TGM5: variants seen among roughly 807,000 people sequenced by gnomAD.
The protein encoded by TGM5 is protein-glutamine gamma-glutamyltransferase 5.
Under a neutral mutation model 77.2 loss-of-function variants are expected in TGM5, and 69 were observed. That is an observed-to-expected ratio of 0.89 (90% CI 0.74 to 1.09). TGM5 has a LOEUF of 1.09. TGM5 is among the 50% of genes least tolerant of loss of function. The probability of loss-of-function intolerance (pLI) is 0.00; values close to 1 mark genes in which losing one functional copy is unlikely to be tolerated. For missense variants in TGM5, 842 were observed against 896.5 expected (o/e 0.94, Z 0.78); for synonymous variants, 346 against 351.8 (o/e 0.98, Z 0.18).
chr15:43,242,247 T>C (rs1436649070), intron 6 of TGM5, among the ~76,000 whole-genome samples: 1 of 152,260 alleles, frequency 6.6e-6, no homozygotes, highest in Non-Finnish European at 1.5e-5. Context: ...AAGCTTGCAA[T>C]CAATACTGAG....
chr15:43,256,475 G>T, intron 4 of TGM5, 93 bp downstream of exon 4: 2 of 983,474 alleles, frequency 2.0e-6, no homozygotes, highest in Non-Finnish European at 3.3e-6. Flanking sequence ...AGTTAGCGTT[G>T]GTCAGCAGTT....
chr15:43,248,853 C>T (rs187424768), intron 6 of TGM5, among the ~76,000 whole-genome samples: 39 of 152,134 alleles, frequency 2.6e-4, no homozygotes, highest in Non-Finnish European at 4.9e-4. Context: ...TTTAAAGGCC[C>T]CTACATAATT....
At chr15:43,250,092 C>T (rs759933336) in intron 6 of TGM5, among the ~76,000 whole-genome samples, 9 of 152,182 alleles carry the variant, frequency 5.9e-5, no homozygotes, top group Non-Finnish European at 1.3e-4. Context: ...TAGCAATGTT[C>T]ATGAGGTGGT....
chr15:43,236,061 A>ATTCTTC (rs146288606), intron 9 of TGM5, among the ~76,000 whole-genome samples: 20 of 152,138 alleles, frequency 1.3e-4, no homozygotes, highest in East Asian at 3.9e-4. Flanking sequence ...TACCATTAGC[A>ATTCTTC]TTCTTCTTCT....
chr15:43,247,185 C>T (rs1480364955), intron 6 of TGM5, among the ~76,000 whole-genome samples: 2 of 149,236 alleles, frequency 1.3e-5, no homozygotes, highest in Non-Finnish European at 3.0e-5. Flanking sequence ...AAAAGCAAAC[C>T]TCCAAAAGCT....
intron 9 of TGM5, 132 bp from the exon 10 acceptor site, chr15:43,235,969 C>T: frequency 8.1e-7 from 1 of 1,240,396 alleles, no homozygotes; most frequent in Admixed American, 1.8e-5. Flanking sequence ...AGCACTCCCT[C>T]CACTCCTCAT....
chr15:43,235,388 C>G, intron 10 of TGM5, 81 bp downstream of exon 10: 1 of 1,589,370 alleles, frequency 6.3e-7, no homozygotes, highest in Non-Finnish European at 8.6e-7. Flanking sequence ...AGGGGTCTGC[C>G]CCCAGAACCC....
At chr15:43,247,019 G>T in intron 6 of TGM5, among the ~76,000 whole-genome samples, 1 of 152,056 alleles carries the variant, frequency 6.6e-6, no homozygotes, top group Non-Finnish European at 1.5e-5. Context: ...TTAGCCGGGC[G>T]TGGTGTTGGG....
chr15:43,234,875 G>C lies in TGM5; in HGVS notation c.1769C>G (p.Thr590Arg). ...SYSQYSQYLS[T>R]DKLIRISALG... The stretch of plus-strand genomic sequence containing the variant: ...GGCACTGATGCGGATCAGCTTGTCT[G>C]TTGACAGGTACTGGCTGTACTGGGA... The change falls in exon 11 of 13, where the codon ACA becomes AGA. Residue 590 changes from threonine to arginine, a missense_variant. Physicochemically the swap from Thr to Arg is moderately conservative, Grantham distance 71. Transcript: ENST00000220420. The C allele has an allele frequency of 6.8e-6, 11 of 1,614,240 alleles. No individual in the cohort carries two copies. Among genetic ancestry groups the C allele is most frequent in the Non-Finnish European group, 9.3e-6 (11 of 1,180,038 alleles).
chr15:43,241,130 T>C (rs2042633220), intron 6 of TGM5, 140 bp from the exon 7 acceptor site: 3 of 1,127,892 alleles, frequency 2.7e-6, no homozygotes, highest in Non-Finnish European at 3.9e-6. Flanking sequence ...AACACTGGAA[T>C]AGTGATATTT....
In TGM5 at chr15:43,260,450, T is replaced by C. The variant is rs765509382; in HGVS notation, c.140A>G (p.Asn47Ser). Residue 47 changes from asparagine (N) to serine (S), a missense_variant, in exon 2 of 13, where the codon AAC (asparagine) becomes AGC (serine). This residue lies in a region of TGM5 where 815 missense variants were observed against 844.6 expected (regional missense o/e 0.96). Transcript: ENST00000220420. Reference protein sequence around the residue: ...QAFNLTLYFRNRSFQPGLDNI... With the variant: ...QAFNLTLYFRSRSFQPGLDNI... ...GTCCAGGCCTGGCTGGAAGCTCCGG[T>C]TCCTGAAGTACAGGGTGAGGTTGAA... 6.2e-7 allele frequency: 1 copy of C among 1,614,182 alleles called. No homozygotes were observed. Among genetic ancestry groups the C allele is most frequent in the Admixed American group, 1.7e-5 (1 of 60,022 alleles).
At chr15:43,256,537 G>T in intron 4 of TGM5, 31 bp downstream of exon 4, 2 of 1,553,036 alleles carry the variant, frequency 1.3e-6, no homozygotes, top group Non-Finnish European at 1.8e-6. Flanking sequence ...GCTCGGGGCC[G>T]GGATGGGCCA....
At chr15:43,246,921 C>T (rs930833909) in intron 6 of TGM5, among the ~76,000 whole-genome samples, 13 of 152,064 alleles carry the variant, frequency 8.5e-5, no homozygotes, top group African/African-American at 2.9e-4. Context: ...CTGGAGCCAT[C>T]ATAACAAAGC....
intron 7 of TGM5, 124 bp downstream of exon 7, chr15:43,240,728 G>T: frequency 4.0e-6 from 5 of 1,250,654 alleles, no homozygotes; most frequent in African/African-American, 1.5e-5. Context: ...GGGGGAGGGT[G>T]AGGGGGTGTG....
chr15:43,256,697 G>T lies in TGM5; in HGVS notation c.437-11C>A, dbSNP rs756864887. ...AGTAGACAGCATCCTCTAGGAACCA[G>T]AGTGGGAGGGCACGAAGCAGAAAAG... On this transcript the variant is annotated splice_polypyrimidine_tract_variant and intron_variant, in intron 3 of 12. Coordinates refer to ENST00000220420, the MANE Select transcript of TGM5 (RefSeq NM_201631.4). 1 of 1,578,708 alleles carries T rather than the reference G, an allele frequency of 6.3e-7. No homozygotes were observed. Among genetic ancestry groups the T allele is most frequent in the Non-Finnish European group, 8.7e-7 (1 of 1,148,006 alleles).
chr15:43,234,690 G>A lies in TGM5; in HGVS notation c.1875+79C>T, dbSNP rs1444787756. Reference sequence around the variant, plus strand: ...GGGATGCTCTCCTAAGCAGGCCCAGGCTGCCCTCTCACAGGGCTTCACCCC... The same window carrying A: ...GGGATGCTCTCCTAAGCAGGCCCAGACTGCCCTCTCACAGGGCTTCACCCC... On this transcript the variant is annotated intron_variant, in intron 11 of 12. Transcript: ENST00000220420. The A allele has an allele frequency of 1.3e-5, 20 of 1,581,296 alleles. No homozygotes were observed. The Admixed American group carries it at 3.3e-4, about 26-fold the overall frequency.
rs1237907843 is a variant in TGM5, at chr15:43,235,844, T to G, written c.1346-7A>C. Reference sequence around the variant, plus strand: ...TGCCTCTCCTGGAGGGATCCTGAAGTTGGGGAGAGCACAGCACCAGCTGTG... The same window carrying G: ...TGCCTCTCCTGGAGGGATCCTGAAGGTGGGGAGAGCACAGCACCAGCTGTG... On this transcript the variant is annotated splice_region_variant and splice_polypyrimidine_tract_variant and intron_variant, in intron 9 of 12. Transcript: ENST00000220420. 2.5e-6 allele frequency: 4 copies of G among 1,613,418 alleles called. No homozygotes were observed. The highest frequency in any genetic ancestry group is 3.4e-6 in the Non-Finnish European group (4 of 1,179,982).
chr15:43,261,077 T>A (rs1166007854), intron 1 of TGM5, among the ~76,000 whole-genome samples: 1 of 9,780 alleles, frequency 1.0e-4, no homozygotes, highest in Non-Finnish European at 1.5e-4. Flanking sequence ...TGTGTGTGTG[T>A]TTTTTTTTTT....
intron 3 of TGM5, among the ~76,000 whole-genome samples, chr15:43,257,335 G>T (rs2042749322): frequency 6.6e-6 from 1 of 152,190 alleles, no homozygotes; most frequent in South Asian, 2.1e-4. Flanking sequence ...CGTGTACATG[G>T]ACGTGGAAAT....
Sources: gnomAD v4.1 joint callset for allele counts (sites outside exome capture counted in the v4.1 genomes callset) on GRCh38, gnomAD v4.1.1 for gene constraint, gnomAD v4.1.1 regional missense constraint, MANE v1.5 for transcripts, NCBI Gene and HGNC (gene_info 2026-07-23, HGNC 2026-07-21) for gene names.